HGSNAT: variants seen among roughly 807,000 people sequenced by gnomAD.
HGSNAT encodes heparan-alpha-glucosaminide N-acetyltransferase.
Under a neutral mutation model 85.2 loss-of-function variants are expected in HGSNAT, and 59 were observed. The ratio of observed to expected loss-of-function variants is 0.69; its 90% confidence interval spans 0.56 to 0.86. HGSNAT has a LOEUF of 0.86. Ranked by LOEUF, HGSNAT falls within the 40% of genes least tolerant of loss-of-function variation. HGSNAT has a pLI of 0.00. For synonymous variants in HGSNAT, 321 were observed against 304.5 expected, an observed-to-expected ratio of 1.05 and a Z score of -0.56; for missense variants, 756 against 777.1, an observed-to-expected ratio of 0.97 and a Z score of 0.32.
intron 9 of HGSNAT, among the ~76,000 whole-genome samples, chr8:43,174,798 A>G (rs1803751280): frequency 6.6e-6 from 1 of 152,156 alleles, no homozygotes; most frequent in African/African-American, 2.4e-5. Context: ...GTTATTTTTA[A>G]ATGTACAGTA....
At chr8:43,173,234 C>G (rs2130753160) in intron 8 of HGSNAT, among the ~76,000 whole-genome samples, 1 of 152,322 alleles carries the variant, frequency 6.6e-6, no homozygotes, top group East Asian at 1.9e-4. Flanking sequence ...AAGCGATCCT[C>G]CCACCTTAGC....
intron 11 of HGSNAT, among the ~76,000 whole-genome samples, chr8:43,184,041 G>A (rs1301669568): frequency 6.6e-6 from 1 of 152,164 alleles, no homozygotes; most frequent in Non-Finnish European, 1.5e-5. Flanking sequence ...ATCATTGTTG[G>A]GCATTTGGGT....
chr8:43,182,070 G>A (rs1804144049), intron 10 of HGSNAT, 75 bp from the exon 11 acceptor site: 2 of 1,140,516 alleles, frequency 1.8e-6, no homozygotes, highest in Non-Finnish European at 2.7e-6. Flanking sequence ...TTCCCCTTTA[G>A]GAAACAAATA....
intron 14 of HGSNAT, 197 bp from the exon 15 acceptor site, chr8:43,196,751 T>C (rs1804740500): frequency 9.9e-6 from 6 of 606,004 alleles, no homozygotes; most frequent in Non-Finnish European, 1.5e-5. Context: ...AGGGCGTTCA[T>C]CTCTGGTCCC....
chr8:43,150,838 TA>T (rs1399579252), intron 2 of HGSNAT, among the ~76,000 whole-genome samples: 138 of 6,770 alleles, frequency 0.02, no homozygotes, highest in African/African-American at 0.023. Flanking sequence ...CGTTTCAAAA[TA>T]AATAAATAAA....
At chr8:43,179,673 A>T (rs1346174029) in intron 10 of HGSNAT, among the ~76,000 whole-genome samples, 1 of 5,942 alleles carries the variant, frequency 1.7e-4, no homozygotes, top group Non-Finnish European at 3.1e-4. Context: ...TGATCCCCCC[A>T]CCTCCCTCCC....
In HGSNAT at chr8:43,199,757, T is replaced by C. The variant is rs1804859024; in HGVS notation, c.*188T>C. 2.5e-6 allele frequency: 1 copy of C among 406,640 alleles called. No homozygotes were observed. The highest frequency in any genetic ancestry group is 4.3e-6 in the Non-Finnish European group (1 of 232,144). The allele number at this position is 406,640 out of a possible 1,614,324, so 25.2% of individuals were successfully genotyped here. ...GGCTCGCCAGAACTCTGCCTGTCTA[T>C]TTGTGACTTACAGATTTGAAATGTA... On this transcript the variant is annotated 3_prime_UTR_variant, in exon 18 of 18. Transcript: ENST00000379644.
intron 2 of HGSNAT, among the ~76,000 whole-genome samples, chr8:43,157,487 G>A (rs1803128014): frequency 1.7e-5 from 1 of 60,526 alleles, no homozygotes; most frequent in South Asian, 5.4e-4. Flanking sequence ...AAAAGAATAA[G>A]AACCTTGGCC....
chr8:43,167,712 G>T (rs1803475726), intron 5 of HGSNAT, among the ~76,000 whole-genome samples: 1 of 152,026 alleles, frequency 6.6e-6, no homozygotes, highest in Non-Finnish European at 1.5e-5. Context: ...TGGTTTCTCT[G>T]CTTCTGTGTA....
Position 43,199,557 on chromosome 8 carries a change from T to C in HGSNAT, c.1896T>C (p.Phe632=). Residue 632 remains phenylalanine (F), a synonymous_variant, in exon 18 of 18, where the codon TTT becomes TTC. Coordinates refer to ENST00000379644, the MANE Select transcript of HGSNAT (RefSeq NM_152419.3). ...ACATCCTCTATAGAAAGAAGATTTT[T>C]TGGAAAATCTGATGGCTCCCACTGA... ...IAYILYRKKI[F]WKI The C allele has an allele frequency of 1.3e-6, 2 of 1,546,616 alleles. No individual in the cohort carries two copies. The highest frequency in any genetic ancestry group is 2.5e-5 in the South Asian group (2 of 79,978).
chr8:43,140,638 GC>G, intron 1 of HGSNAT, 24 bp downstream of exon 1: 2 of 1,139,978 alleles, frequency 1.8e-6, no homozygotes, highest in African/African-American at 1.6e-5. Flanking sequence ...TCCTACCGCC[GC>G]CCGGCCGGCT....
intron 9 of HGSNAT, among the ~76,000 whole-genome samples, chr8:43,177,432 C>T (rs970142644): frequency 1.3e-5 from 2 of 151,610 alleles, no homozygotes; most frequent in Admixed American, 1.3e-4. Flanking sequence ...GTGGCGGGCA[C>T]CTGTAGTCCC....
At chr8:43,178,790 A>G (rs1399627735) in intron 10 of HGSNAT, among the ~76,000 whole-genome samples, 12 of 146,884 alleles carry the variant, frequency 8.2e-5, no homozygotes, top group African/African-American at 2.5e-4. Flanking sequence ...CTGGGTACTT[A>G]AGATTAGGGA....
chr8:43,189,722 TC>T (rs1172351705), intron 11 of HGSNAT, among the ~76,000 whole-genome samples: 1 of 152,184 alleles, frequency 6.6e-6, no homozygotes, highest in Non-Finnish European at 1.5e-5. Context: ...CTGGAGCTGT[TC>T]CTATTCGGCC....
chr8:43,158,163 ATC>A (rs1803152154), intron 2 of HGSNAT, among the ~76,000 whole-genome samples: 1 of 151,862 alleles, frequency 6.6e-6, no homozygotes, highest in African/African-American at 2.4e-5. Flanking sequence ...CAGTGGCGTG[ATC>A]TCAGCTCACT....
intron 4 of HGSNAT, among the ~76,000 whole-genome samples, chr8:43,159,497 A>G (rs1000310298): frequency 1.3e-5 from 2 of 152,128 alleles, no homozygotes; most frequent in African/African-American, 4.8e-5. Context: ...CTGAGGTGGG[A>G]GGATGGCTTG....
intron 9 of HGSNAT, among the ~76,000 whole-genome samples, chr8:43,177,716 GTT>G (rs980794360): frequency 2.0e-5 from 3 of 152,298 alleles, no homozygotes; most frequent in Admixed American, 2.0e-4. Context: ...AAATGTCTGT[GTT>G]TCAAGGGCTT....
intron 5 of HGSNAT, among the ~76,000 whole-genome samples, chr8:43,164,204 G>A (rs1442851993): frequency 6.6e-6 from 1 of 152,228 alleles, no homozygotes; most frequent in Non-Finnish European, 1.5e-5. Flanking sequence ...GACAGTGGGT[G>A]AGAGGACATA....
chr8:43,199,931 C>T lies in HGSNAT; in HGVS notation c.*362C>T, dbSNP rs939958376. On this transcript the variant is annotated 3_prime_UTR_variant, in exon 18 of 18. Coordinates refer to ENST00000379644, the MANE Select transcript of HGSNAT (RefSeq NM_152419.3). ...AATCTGAGGTCTGGTTCTTGCTGAC[C>T]TTGTTGCCCTGCAAACTTCCTTTCC... is the stretch of plus-strand genomic sequence containing the variant. The T allele has an allele frequency of 4.2e-5, 7 of 164,842 alleles. No homozygotes were observed. The highest frequency in any genetic ancestry group is 9.1e-5 in the Non-Finnish European group (7 of 76,798). 10.2% of individuals were successfully genotyped at this position (164,842 alleles called of 1,614,324 possible). A position where few individuals can be genotyped will look rare whatever the true frequency, so the allele number is the denominator to read the frequency against.
Sources: allele counts gnomAD v4.1 joint callset (sites outside exome capture counted in the v4.1 genomes callset), GRCh38; gene constraint gnomAD v4.1.1; transcripts MANE v1.5; gene names NCBI Gene and HGNC (gene_info 2026-07-23, HGNC 2026-07-21).